Variants in RNF180 observed in about 807,000 individuals in gnomAD.
The protein encoded by RNF180 is ring finger protein 180.
RNF180 carries 38 observed loss-of-function variants against 59.2 expected under a neutral mutation model. The observed-to-expected ratio is 0.64, with a 90% confidence interval of 0.50 to 0.84. The LOEUF (loss-of-function observed/expected upper bound fraction) is 0.84. Ranked by LOEUF, RNF180 falls within the 40% of genes least tolerant of loss-of-function variation. The pLI, the probability that RNF180 is intolerant of heterozygous loss-of-function variation, is 0.00. For synonymous variants in RNF180, 262 were observed against 240.3 expected (o/e 1.09, Z -0.84); for missense variants, 705 against 700.9 (o/e 1.01, Z -0.07).
chr5:64,332,760 C>T lies in RNF180; in HGVS notation c.1579+2354C>T, dbSNP rs546334425. Among the ~76,000 whole-genome samples the T allele has an allele frequency of 7.9e-5, 12 of 152,220 alleles. No individual in the cohort carries two copies. In the South Asian group the frequency reaches 1.0e-3, roughly 13 times the overall value. On this transcript the variant is annotated intron_variant, in intron 7 of 7. Transcript: ENST00000389100. ...AAAGCATGAACTACTGTGCAGTTTTCGTTATTTAACAATTATGACATTATG... is the reference window on the plus strand; with the variant it reads ...AAAGCATGAACTACTGTGCAGTTTTTGTTATTTAACAATTATGACATTATG...
chr5:64,310,421 A>G (rs1288977088), intron 5 of RNF180, among the ~76,000 whole-genome samples: 1 of 151,380 alleles, frequency 6.6e-6, no homozygotes, highest in Non-Finnish European at 1.5e-5. Context: ...TGCTTAATAT[A>G]TGTCTCAATC....
At chr5:64,187,615 A>G (rs1029571667) in intron 1 of RNF180, among the ~76,000 whole-genome samples, 6 of 152,204 alleles carry the variant, frequency 3.9e-5, no homozygotes, top group African/African-American at 1.4e-4. Flanking sequence ...GCATAGAATT[A>G]TAAAATGACA....
chr5:64,168,922 C>G (rs773489206), intron 1 of RNF180, among the ~76,000 whole-genome samples: 1 of 152,080 alleles, frequency 6.6e-6, no homozygotes, highest in East Asian at 1.9e-4. Context: ...ATGCCATGCC[C>G]TAGGCATGGC....
chr5:64,251,794 T>C lies in RNF180; in HGVS notation c.1227+34398T>C, dbSNP rs190507562. On this transcript the variant is annotated intron_variant, in intron 5 of 7. Coordinates refer to ENST00000389100, the MANE Select transcript of RNF180 (RefSeq NM_001113561.2). The stretch of plus-strand genomic sequence containing the variant: ...ATCAACATTTAAAAACTAGCATTTC[T>C]ACACACAGTGAACTATCTGAAAAAC... 2.9e-4 allele frequency among the ~76,000 whole-genome samples: 44 copies of C among 152,018 alleles called. 1 individual carries two copies. The highest frequency in any genetic ancestry group is 1.0e-3 in the African/African-American group (42 of 41,312).
intron 5 of RNF180, among the ~76,000 whole-genome samples, chr5:64,230,131 A>G (rs1347396863): frequency 6.6e-6 from 1 of 152,214 alleles, no homozygotes; most frequent in Non-Finnish European, 1.5e-5. Flanking sequence ...AAATGAGGCA[A>G]CTTCTATAAA....
At chr5:64,253,726 T>A (rs771907087) in intron 5 of RNF180, among the ~76,000 whole-genome samples, 21 of 152,230 alleles carry the variant, frequency 1.4e-4, no homozygotes, top group Non-Finnish European at 2.9e-4. Context: ...CATTTTTTTC[T>A]TGAGTCTTTA....
chr5:64,196,072 A>G (rs1026677024), intron 1 of RNF180, among the ~76,000 whole-genome samples: 4 of 152,166 alleles, frequency 2.6e-5, no homozygotes, highest in Non-Finnish European at 4.4e-5. Flanking sequence ...TTCCTTGTCA[A>G]TTTTATAACT....
intron 5 of RNF180, among the ~76,000 whole-genome samples, chr5:64,310,286 A>G (rs1038255113): frequency 2.0e-5 from 3 of 151,818 alleles, no homozygotes; most frequent in Non-Finnish European, 2.9e-5. Flanking sequence ...GGCTTAAACT[A>G]TTAAAAGTAA....
rs76613686 is a variant in RNF180, at chr5:64,182,728, G to C, written c.-1+16775G>C. ...AGCAAATTGAGTATGTCTTGATGCA[G>C]ATTCCATACTCCTGAAGAAAGGGAG... is the stretch of plus-strand genomic sequence containing the variant. On this transcript the variant is annotated intron_variant, in intron 1 of 7. Coordinates refer to ENST00000389100, the MANE Select transcript of RNF180 (RefSeq NM_001113561.2). Among the ~76,000 whole-genome samples the C allele has an allele frequency of 4.1e-4, 62 of 152,292 alleles. 1 individual carries two copies. In the East Asian group the frequency reaches 0.01, roughly 25 times the overall value.
chr5:64,272,413 AAAG>A (rs1257511935), intron 5 of RNF180, among the ~76,000 whole-genome samples: 1 of 151,962 alleles, frequency 6.6e-6, no homozygotes, highest in Non-Finnish European at 1.5e-5. Context: ...TAAGGAAGTA[AAAG>A]AAGGACATGC....
chr5:64,356,125 TG>T (rs972752009), intron 7 of RNF180, among the ~76,000 whole-genome samples: 5 of 151,706 alleles, frequency 3.3e-5, no homozygotes, highest in African/African-American at 1.2e-4. Flanking sequence ...CTGAGCATGG[TG>T]GTGCATGCCT....
intron 5 of RNF180, among the ~76,000 whole-genome samples, chr5:64,314,252 T>C (rs1743926056): frequency 6.6e-6 from 1 of 151,736 alleles, no homozygotes; most frequent in Non-Finnish European, 1.5e-5. Context: ...ACTAAATATT[T>C]TTTCTCCTCT....
intron 7 of RNF180, among the ~76,000 whole-genome samples, chr5:64,336,799 A>T (rs1338760622): frequency 6.6e-6 from 1 of 151,806 alleles, no homozygotes; most frequent in Non-Finnish European, 1.5e-5. Context: ...CTAGATATTA[A>T]TTTTTTATTT....
intron 7 of RNF180, among the ~76,000 whole-genome samples, chr5:64,366,532 AAT>A (rs1432142779): frequency 6.6e-5 from 10 of 151,688 alleles, no homozygotes; most frequent in African/African-American, 2.4e-4. Context: ...GATCTCCTGT[AAT>A]ATGTTTTCCA....
intron 1 of RNF180, among the ~76,000 whole-genome samples, chr5:64,172,352 T>G (rs926489791): frequency 6.6e-6 from 1 of 152,106 alleles, no homozygotes; most frequent in African/African-American, 2.4e-5. Flanking sequence ...CCTTTTTCAT[T>G]CTACAAAGGC....
At chr5:64,305,971 C>T (rs573105880) in intron 5 of RNF180, among the ~76,000 whole-genome samples, 21 of 151,594 alleles carry the variant, frequency 1.4e-4, no homozygotes, top group African/African-American at 3.6e-4. Context: ...ACGTTCCTTT[C>T]GACAAAATAA....
At chr5:64,258,840 A>G (rs796525453) in intron 5 of RNF180, among the ~76,000 whole-genome samples, 71 of 152,324 alleles carry the variant, frequency 4.7e-4, no homozygotes, top group African/African-American at 1.7e-3. Flanking sequence ...AAAGACTTGT[A>G]GATACAGCTT....
At chr5:64,236,141 G>A (rs1368700911) in intron 5 of RNF180, among the ~76,000 whole-genome samples, 1 of 152,240 alleles carries the variant, frequency 6.6e-6, no homozygotes, top group Non-Finnish European at 1.5e-5. Flanking sequence ...AAACTTCCTA[G>A]AGCCTTGTTG....
chr5:64,270,788 G>A (rs1467302032), intron 5 of RNF180, among the ~76,000 whole-genome samples: 1 of 151,988 alleles, frequency 6.6e-6, no homozygotes. Flanking sequence ...CAGTTACTGA[G>A]GAAAGGATAT....
Sources: gnomAD v4.1 joint callset for allele counts (sites outside exome capture counted in the v4.1 genomes callset) on GRCh38, gnomAD v4.1.1 for gene constraint, MANE v1.5 for transcripts, NCBI Gene and HGNC (gene_info 2026-07-23, HGNC 2026-07-21) for gene names.